CDH13: variants seen among roughly 807,000 people sequenced by gnomAD.
The protein encoded by CDH13 is cadherin-13.
CDH13 carries 24 observed loss-of-function variants against 63.8 expected under a neutral mutation model. The ratio of observed to expected loss-of-function variants is 0.38; its 90% confidence interval spans 0.27 to 0.53. CDH13 has a LOEUF of 0.53. Among genes scored for constraint, CDH13 ranks in the 20% least tolerant of loss-of-function variants. The pLI is 0.85. For synonymous variants in CDH13, 503 were observed against 355.3 expected (o/e 1.42, Z -4.67); for missense variants, 1,049 against 903.1 (o/e 1.16, Z -2.07).
chr16:83,531,567 G>A (rs2075084511), intron 7 of CDH13, among the ~76,000 whole-genome samples: 2 of 152,138 alleles, frequency 1.3e-5, no homozygotes, highest in Admixed American at 6.5e-5. Flanking sequence ...ATGATTGTGA[G>A]GCCTCTCAGC....
intron 8 of CDH13, among the ~76,000 whole-genome samples, chr16:83,668,626 G>C (rs1169210425): frequency 6.6e-6 from 1 of 152,232 alleles, no homozygotes; most frequent in Non-Finnish European, 1.5e-5. Flanking sequence ...CGCAGCAAGA[G>C]GGTGAAGGAA....
At chr16:82,781,465 C>G (rs918427780) in intron 1 of CDH13, among the ~76,000 whole-genome samples, 1 of 152,090 alleles carries the variant, frequency 6.6e-6, no homozygotes, top group African/African-American at 2.4e-5. Context: ...ATCCATTTGT[C>G]TAGCTACCCA....
At chr16:82,692,087 T>C (rs1915700241) in intron 1 of CDH13, among the ~76,000 whole-genome samples, 1 of 152,224 alleles carries the variant, frequency 6.6e-6, no homozygotes. Context: ...TGTGGCTTCA[T>C]TAGAAAAGTA....
At position 83,177,090 on chromosome 16, in the gene CDH13, A is replaced by G. The variant is rs141012881; in HGVS notation, c.484-40255A>G. On this transcript the variant is annotated intron_variant, in intron 4 of 13. Coordinates refer to ENST00000567109, the MANE Select transcript of CDH13 (RefSeq NM_001257.5). ...CACATCTGGCTGCTGAGGACTTGAGATGTGGCTGGTGTGACCGAATAACTG... is the reference window on the plus strand; with the variant it reads ...CACATCTGGCTGCTGAGGACTTGAGGTGTGGCTGGTGTGACCGAATAACTG... Among the ~76,000 whole-genome samples, 576 of 152,278 alleles carry G rather than the reference A, an allele frequency of 3.8e-3. 4 individuals carry two copies. Among genetic ancestry groups the G allele is most frequent in the Middle Eastern group, 0.01 (3 of 294 alleles).
At chr16:83,657,460 C>G (rs958440527) in intron 8 of CDH13, among the ~76,000 whole-genome samples, 1 of 152,164 alleles carries the variant, frequency 6.6e-6, no homozygotes, top group East Asian at 1.9e-4. Context: ...TCCTCTTTGA[C>G]CCCCAGAGCA....
intron 1 of CDH13, among the ~76,000 whole-genome samples, chr16:82,803,687 C>T (rs1366656284): frequency 1.3e-5 from 2 of 152,070 alleles, no homozygotes; most frequent in East Asian, 3.9e-4. Flanking sequence ...ATGGATGAAC[C>T]TGCAGGATAT....
intron 3 of CDH13, among the ~76,000 whole-genome samples, chr16:83,118,109 G>A (rs1471799602): frequency 3.3e-5 from 5 of 152,132 alleles, no homozygotes; most frequent in South Asian, 2.1e-4. Context: ...AGCAGGCCTC[G>A]GATGACCTAG....
At chr16:83,108,810 T>C (rs530522092) in intron 3 of CDH13, among the ~76,000 whole-genome samples, 1 of 152,208 alleles carries the variant, frequency 6.6e-6, no homozygotes, top group Admixed American at 6.5e-5. Flanking sequence ...TGTGTACCCA[T>C]CCCTAGGAGA....
chr16:83,149,440 G>T (rs2151691419), intron 4 of CDH13, among the ~76,000 whole-genome samples: 1 of 152,256 alleles, frequency 6.6e-6, no homozygotes, highest in East Asian at 1.9e-4. Context: ...TCACAACAGT[G>T]AGAAAACTAG....
At chr16:82,764,534 C>T (rs1395973559) in intron 1 of CDH13, among the ~76,000 whole-genome samples, 2 of 152,032 alleles carry the variant, frequency 1.3e-5, no homozygotes, top group East Asian at 1.9e-4. Context: ...AATATACAGC[C>T]TTAGTGGGAT....
intron 3 of CDH13, among the ~76,000 whole-genome samples, chr16:83,036,137 T>C (rs1335686793): frequency 7.0e-6 from 1 of 142,226 alleles, no homozygotes; most frequent in South Asian, 2.3e-4. Context: ...GCTCTGGAGC[T>C]CTCCTCTTTT....
chr16:82,913,382 C>T (rs1384271226), intron 2 of CDH13, among the ~76,000 whole-genome samples: 2 of 152,138 alleles, frequency 1.3e-5, no homozygotes, highest in South Asian at 2.1e-4. Context: ...CATGTTTTAC[C>T]TTGATCTACT....
chr16:83,009,284 C>A (rs552845602), intron 2 of CDH13, among the ~76,000 whole-genome samples: 2 of 152,156 alleles, frequency 1.3e-5, no homozygotes, highest in Admixed American at 1.3e-4. Flanking sequence ...ACACAGAAAA[C>A]CAGTGCTCTT....
At chr16:82,796,971 A>T (rs1375899968) in intron 1 of CDH13, among the ~76,000 whole-genome samples, 2 of 152,190 alleles carry the variant, frequency 1.3e-5, no homozygotes, top group Admixed American at 6.5e-5. Flanking sequence ...TGCCCATTGG[A>T]GGCAGGATCC....
At chr16:83,711,561 A>C (rs1456068458) in intron 10 of CDH13, among the ~76,000 whole-genome samples, 5 of 152,008 alleles carry the variant, frequency 3.3e-5, no homozygotes, top group African/African-American at 4.8e-5. Context: ...TCTTACCCAT[A>C]CTGGAGTATA....
At chr16:83,395,375 A>G (rs899186545) in intron 6 of CDH13, among the ~76,000 whole-genome samples, 1 of 152,006 alleles carries the variant, frequency 6.6e-6, no homozygotes, top group Non-Finnish European at 1.5e-5. Flanking sequence ...TCAATTAGAC[A>G]TCCGAGTTCT....
chr16:82,918,926 A>G (rs1006957498), intron 2 of CDH13, among the ~76,000 whole-genome samples: 1 of 152,134 alleles, frequency 6.6e-6, no homozygotes, highest in African/African-American at 2.4e-5. Flanking sequence ...GTTTGATAAA[A>G]CTATGCATTT....
chr16:82,962,437 A>T (rs1907161328), intron 2 of CDH13, among the ~76,000 whole-genome samples: 1 of 152,134 alleles, frequency 6.6e-6, no homozygotes, highest in Non-Finnish European at 1.5e-5. Context: ...TTTTGCCACA[A>T]GGTTTGTAGT....
chr16:83,180,946 T>A (rs2038330590), intron 4 of CDH13: 4 of 1,532,424 alleles, frequency 2.6e-6, no homozygotes, highest in Non-Finnish European at 2.6e-6. Flanking sequence ...TGCATTACAA[T>A]TTTAGCAATT....
Sources: gnomAD v4.1 joint callset for allele counts (sites outside exome capture counted in the v4.1 genomes callset) on GRCh38, gnomAD v4.1.1 for gene constraint, MANE v1.5 for transcripts, NCBI Gene and HGNC (gene_info 2026-07-23, HGNC 2026-07-21) for gene names.